The following BYSL variants were observed in gnomAD, a reference collection of about 807,000 sequenced individuals.
BYSL encodes bystin like, also known as bystin.
In BYSL, 21 loss-of-function variants were observed where a neutral mutation model predicts 45.4. That is an observed-to-expected ratio of 0.46 (90% CI 0.33 to 0.67). The LOEUF is 0.67. Among genes scored for constraint, BYSL ranks in the 30% least tolerant of loss-of-function variants. The pLI, the probability that BYSL is intolerant of heterozygous loss-of-function variation, is 0.02. For synonymous variants in BYSL, 215 were observed against 231.3 expected (o/e 0.93, Z 0.64); for missense variants, 522 against 578.5 (o/e 0.90, Z 1.00).
At position 41,932,786 on chromosome 6, in the gene BYSL, C is replaced by G. The variant is rs1234198770; in HGVS notation, c.*80C>G. ...GTTGGTGACTGAAGATGACACTGAGCTTTAATGGCTGAAGACCCAGATCAG... is the reference window on the plus strand; with the variant it reads ...GTTGGTGACTGAAGATGACACTGAGGTTTAATGGCTGAAGACCCAGATCAG... On this transcript the variant is annotated 3_prime_UTR_variant, in exon 7 of 7. Transcript: ENST00000230340. This position sits in a 1 kb window ranked among gnomAD's most constrained non-coding sequence, Gnocchi z 4.7. The G allele has an allele frequency of 1.4e-6, 2 of 1,409,908 alleles. No homozygotes were observed. Among genetic ancestry groups the G allele is most frequent in the African/African-American group, 2.9e-5 (2 of 69,866 alleles). The allele number at this position is 1,409,908 out of a possible 1,614,324, so 87.3% of individuals were successfully genotyped here.
chr6:41,910,752 C>T, the BYSL span, among the ~76,000 whole-genome samples: 1 of 151,936 alleles, frequency 6.6e-6, no homozygotes, highest in African/African-American at 2.4e-5. Flanking sequence ...ATAAGCCATT[C>T]CCAACACTTT....
At chr6:41,915,951 C>T in the BYSL span, among the ~76,000 whole-genome samples, 1 of 152,148 alleles carries the variant, frequency 6.6e-6, no homozygotes, top group Non-Finnish European at 1.5e-5. Flanking sequence ...TCAACTATAC[C>T]TCAATAAAGC....
At chr6:41,922,329 G>A (rs1775496377) in intron 1 of BYSL, among the ~76,000 whole-genome samples, 1 of 152,222 alleles carries the variant, frequency 6.6e-6, no homozygotes, top group South Asian at 2.1e-4. Context: ...CCTTTAAGCT[G>A]AGAACTGAAA....
At chr6:41,917,821 C>T, upstream of BYSL, 1 of 470,186 alleles carries the variant, frequency 2.1e-6, no homozygotes, top group South Asian at 1.6e-5. Context: ...AGCTGTTCAG[C>T]ACAGTAGCCC....
At chr6:41,930,341 T>TG in intron 3 of BYSL, 71 bp downstream of exon 3, 1 of 1,556,996 alleles carries the variant, frequency 6.4e-7, no homozygotes, top group Admixed American at 2.0e-5. Context: ...CAGGCTTTTT[T>TG]GCCTTTTGCC....
chr6:41,922,958 T>A (rs1775509283), intron 1 of BYSL, among the ~76,000 whole-genome samples: 1 of 152,010 alleles, frequency 6.6e-6, no homozygotes, highest in East Asian at 1.9e-4. Context: ...CCTCTCTCTG[T>A]CTCTCCCTCC....
upstream of BYSL, chr6:41,917,881 C>CAGTGATGATG (rs1490581557): frequency 2.4e-6 from 1 of 420,548 alleles, no homozygotes; most frequent in East Asian, 7.6e-5. Flanking sequence ...TGTTAGAGAA[C>CAGTGATGATG]ATTTCCATCA....
At chr6:41,919,887 G>A (rs1364153618), upstream of BYSL, among the ~76,000 whole-genome samples, 2 of 152,198 alleles carry the variant, frequency 1.3e-5, no homozygotes, top group Non-Finnish European at 2.9e-5. Context: ...ATCGTAGGAA[G>A]CAAGAGTGCA....
At chr6:41,920,887 C>T, upstream of BYSL, 2 of 1,359,880 alleles carry the variant, frequency 1.5e-6, no homozygotes, top group Non-Finnish European at 9.9e-7. Context: ...ATCCTCTCAT[C>T]TACACAACCC....
chr6:41,921,406 G>A, upstream of BYSL: 1 of 1,046,962 alleles, frequency 9.6e-7, no homozygotes, highest in Non-Finnish European at 1.4e-6. Flanking sequence ...TCTTTTAGTG[G>A]GAGGGGCGGC....
At chr6:41,921,151 G>T, upstream of BYSL, 1 of 1,212,384 alleles carries the variant, frequency 8.2e-7, no homozygotes, top group Non-Finnish European at 1.1e-6. Flanking sequence ...TAAAAACAGA[G>T]CGCCGGGTCC....
intron 2 of BYSL, among the ~76,000 whole-genome samples, chr6:41,927,989 A>G (rs1220434873): frequency 6.6e-6 from 1 of 152,008 alleles, no homozygotes; most frequent in Non-Finnish European, 1.5e-5. Flanking sequence ...GCAGTGTAGG[A>G]GGTTTAGTAG....
chr6:41,920,718 C>T, upstream of BYSL: 1 of 343,846 alleles, frequency 2.9e-6, no homozygotes. Context: ...TTGCAGTGAG[C>T]CAAGATCGCT....
chr6:41,923,350 G>T (rs1486336710), intron 1 of BYSL, among the ~76,000 whole-genome samples: 2 of 149,058 alleles, frequency 1.3e-5, no homozygotes, highest in African/African-American at 5.0e-5. Context: ...AGGCTGTAGT[G>T]CAGTGGCGCA....
At chr6:41,916,736 C>G, upstream of BYSL, 1 of 1,603,550 alleles carries the variant, frequency 6.2e-7, no homozygotes, top group Non-Finnish European at 8.5e-7. Context: ...TCAAATGTCT[C>G]TTAACTCCAA....
chr6:41,918,755 G>A (rs1455934695), upstream of BYSL, among the ~76,000 whole-genome samples: 2 of 150,864 alleles, frequency 1.3e-5, no homozygotes, highest in Non-Finnish European at 3.0e-5. Context: ...AGACCATCCT[G>A]GCTAACAAGG....
the BYSL span, among the ~76,000 whole-genome samples, chr6:41,913,898 C>CA: frequency 6.1e-5 from 9 of 148,526 alleles, no homozygotes; most frequent in South Asian, 2.1e-4. Context: ...AACTCCGTCT[C>CA]AAAAAAAAAA....
chr6:41,924,323 G>A (rs1775534584), intron 1 of BYSL, among the ~76,000 whole-genome samples: 1 of 151,570 alleles, frequency 6.6e-6, no homozygotes, highest in African/African-American at 2.4e-5. Context: ...CACCCGCCTC[G>A]GCCTCCCGAA....
At position 41,921,645 on chromosome 6, in the gene BYSL, C is replaced by A. The variant is rs200314949; in HGVS notation, c.83C>A (p.Ala28Glu). 8.6e-5 allele frequency: 139 copies of A among 1,613,162 alleles called. No individual in the cohort carries two copies. In the African/African-American group the frequency reaches 1.7e-3, roughly 20 times the overall value. Residue 28 changes from alanine to glutamate, a missense_variant, in exon 1 of 7, where the codon GCG becomes GAG. By Grantham distance (107) the Ala-to-Glu change is moderately radical. Transcript: ENST00000230340. The part of the protein sequence containing the change: ...PLADQILAGN[A>E]VRAGVREKRR... ...GCCGATCAGATCCTGGCTGGGAATG[C>A]GGTGCGGGCGGGGGTCCGGGAGAAG...
Sources: allele counts gnomAD v4.1 joint callset (sites outside exome capture counted in the v4.1 genomes callset), GRCh38; gene constraint gnomAD v4.1.1; non-coding constraint Gnocchi (gnomAD v3.1); transcripts MANE v1.5; gene names NCBI Gene and HGNC (gene_info 2026-07-23, HGNC 2026-07-21).